The following AK3 variants were observed in gnomAD, a reference collection of about 807,000 sequenced individuals.
The protein encoded by AK3 is GTP:AMP phosphotransferase AK3, mitochondrial.
A neutral mutation model predicts 23.7 loss-of-function variants in AK3; 27 were observed. The observed-to-expected ratio is 1.14, with a 90% CI of 0.84 to 1.57. AK3 has a LOEUF of 1.57. Among genes scored for constraint, AK3 ranks in the 40% most tolerant of loss-of-function variants. AK3 has a pLI of 0.00. For missense variants in AK3, 406 were observed against 285.6 expected, an observed-to-expected ratio of 1.42 and a Z score of -3.04; for synonymous variants, 159 against 116.0, an observed-to-expected ratio of 1.37 and a Z score of -2.38.
At chr9:4,741,209 C>T, upstream of AK3, 2 of 1,137,444 alleles carry the variant, frequency 1.8e-6, no homozygotes, top group South Asian at 4.6e-5. Context: ...TACTGCGGTT[C>T]CCCGGCGTTC....
intron 4 of AK3, among the ~76,000 whole-genome samples, chr9:4,717,466 G>C (rs1319089242): frequency 6.6e-6 from 1 of 152,212 alleles, no homozygotes; most frequent in Non-Finnish European, 1.5e-5. Flanking sequence ...TGCCATCTGA[G>C]ATTCTTCCAC....
At chr9:4,735,878 G>A (rs1842280286) in intron 1 of AK3, among the ~76,000 whole-genome samples, 1 of 152,026 alleles carries the variant, frequency 6.6e-6, no homozygotes, top group Admixed American at 6.6e-5. Context: ...ACTTTGAGAA[G>A]CCGAGGTGGG....
intron 1 of AK3, among the ~76,000 whole-genome samples, chr9:4,734,202 G>A (rs541113866): frequency 6.6e-6 from 1 of 152,166 alleles, no homozygotes; most frequent in African/African-American, 2.4e-5. Flanking sequence ...CAGAGGAAAG[G>A]CCATGTGAGA....
chr9:4,719,437 C>G (rs1841834367), intron 2 of AK3, 130 bp from the exon 3 acceptor site: 1 of 858,828 alleles, frequency 1.2e-6, no homozygotes, highest in Non-Finnish European at 1.7e-6. Flanking sequence ...AGGAATGAGG[C>G]TCACCAGGCA....
intron 1 of AK3, among the ~76,000 whole-genome samples, chr9:4,725,053 A>C (rs2183670): frequency 4.2e-5 from 6 of 141,512 alleles, no homozygotes; most frequent in Admixed American, 7.2e-5. Context: ...ATGGAGTCTC[A>C]CTCTTGTCAC....
At chr9:4,718,345 T>C in intron 4 of AK3, 74 bp downstream of exon 4, 1 of 1,092,750 alleles carries the variant, frequency 9.2e-7, no homozygotes, top group Non-Finnish European at 1.4e-6. Flanking sequence ...GCATTTCAGC[T>C]GTAGAGGAAG....
At chr9:4,717,710 A>G (rs1841774568) in intron 4 of AK3, among the ~76,000 whole-genome samples, 1 of 152,234 alleles carries the variant, frequency 6.6e-6, no homozygotes, top group African/African-American at 2.4e-5. Flanking sequence ...AAATTATGTG[A>G]GATATTCAAC....
intron 1 of AK3, among the ~76,000 whole-genome samples, chr9:4,725,019 CT>C (rs1223067581): frequency 1.9e-5 from 1 of 53,300 alleles, no homozygotes; most frequent in Non-Finnish European, 5.7e-5. Context: ...AGCTACTAAA[CT>C]CTTTTTTTTT....
At chr9:4,734,014 T>C (rs10122575) in intron 1 of AK3, among the ~76,000 whole-genome samples, 80,780 of 152,022 alleles carry the variant, frequency 0.53, 22,270 homozygotes, top group East Asian at 0.74. Context: ...TTGTTATAGA[T>C]GGAAGTATGT....
At chr9:4,713,471 C>G (rs936802344) in intron 4 of AK3, among the ~76,000 whole-genome samples, 4 of 152,102 alleles carry the variant, frequency 2.6e-5, no homozygotes, top group African/African-American at 9.7e-5. Context: ...GTAACTTAGC[C>G]CAAATCACCA....
intron 1 of AK3, among the ~76,000 whole-genome samples, chr9:4,738,718 T>A (rs1433763794): frequency 1.3e-5 from 2 of 151,162 alleles, no homozygotes; most frequent in Non-Finnish European, 2.9e-5. Context: ...TACATTTGCA[T>A]GAAATAGATA....
chr9:4,712,865 T>A lies in AK3; in HGVS notation c.*111A>T. ...ATAAAATCAGTAGAAATAAAAGTAA[T>A]ATAATTTTCAAAGAATTCATACATA... is the stretch of plus-strand genomic sequence containing the variant. On this transcript the variant is annotated 3_prime_UTR_variant, in exon 5 of 5. Transcript: ENST00000381809. The A allele has an allele frequency of 8.2e-7, 1 of 1,214,544 alleles. No individual in the cohort carries two copies. The highest frequency in any genetic ancestry group is 1.8e-5 in the South Asian group (1 of 56,570). The allele number at this position is 1,214,544 out of a possible 1,614,324, so 75.2% of individuals were successfully genotyped here. A position where few individuals can be genotyped will look rare whatever the true frequency, so the allele number is the denominator to read the frequency against.
chr9:4,737,974 T>G (rs1176788320), intron 1 of AK3, among the ~76,000 whole-genome samples: 1 of 152,202 alleles, frequency 6.6e-6, no homozygotes. Flanking sequence ...GGCACAATCC[T>G]TCTGTTGTAT....
Position 4,722,409 on chromosome 9 carries a change from A to G in AK3, c.271+97T>C. The G allele has an allele frequency of 2.6e-6, 4 of 1,560,628 alleles. No homozygotes were observed. In the Admixed American group the frequency reaches 7.2e-5, roughly 28 times the overall value. ...TCCCAAGCACCCCTCTCCCCAAACCACCATCCTTGACGTCTGTCTGAAGCC... is the reference window on the plus strand; with the variant it reads ...TCCCAAGCACCCCTCTCCCCAAACCGCCATCCTTGACGTCTGTCTGAAGCC... On this transcript the variant is annotated intron_variant, in intron 2 of 4. Transcript: ENST00000381809.
Position 4,711,694 on chromosome 9 carries a change from C to T in AK3, c.*1282G>A, listed in dbSNP as rs1484648816. 2 of 152,098 alleles carry T rather than the reference C, an allele frequency of 1.3e-5. No individual in the cohort carries two copies. The highest frequency in any genetic ancestry group is 1.3e-4 in the Admixed American group (2 of 15,272). 9.4% of individuals were successfully genotyped at this position (152,098 alleles called of 1,614,324 possible). A position where few individuals can be genotyped will look rare whatever the true frequency, so the allele number is the denominator to read the frequency against. On this transcript the variant is annotated 3_prime_UTR_variant, in exon 5 of 5. Transcript: ENST00000381809. Reference sequence around the variant, plus strand: ...GGAAGACATAATCAAGTTTTTCCTCCATCTCTCATATTTCCCCACTTCTAC... The same window carrying T: ...GGAAGACATAATCAAGTTTTTCCTCTATCTCTCATATTTCCCCACTTCTAC...
At chr9:4,713,454 T>C (rs1841616574) in intron 4 of AK3, among the ~76,000 whole-genome samples, 1 of 152,204 alleles carries the variant, frequency 6.6e-6, no homozygotes, top group Non-Finnish European at 1.5e-5. Context: ...AATCATCCCT[T>C]TGTAATGTAA....
intron 1 of AK3, among the ~76,000 whole-genome samples, chr9:4,739,711 C>T (rs1842379344): frequency 6.6e-6 from 1 of 151,930 alleles, no homozygotes; most frequent in Non-Finnish European, 1.5e-5. Flanking sequence ...CCGGGTGGAT[C>T]ACGAGGTCAG....
rs1477380889 is a variant in AK3, at chr9:4,711,767, A to G, written c.*1209T>C. On this transcript the variant is annotated 3_prime_UTR_variant, in exon 5 of 5. Coordinates refer to ENST00000381809, the MANE Select transcript of AK3 (RefSeq NM_016282.4). Reference sequence around the variant, plus strand: ...ACCATCCTTTAGATTCCAATTTTTAAATGGCTGCTCAGACGACACCAATAG... The same window carrying G: ...ACCATCCTTTAGATTCCAATTTTTAGATGGCTGCTCAGACGACACCAATAG... 1 of 152,160 alleles carries G rather than the reference A, an allele frequency of 6.6e-6. No homozygotes were observed. Among genetic ancestry groups the G allele is most frequent in the Non-Finnish European group, 1.5e-5 (1 of 68,016 alleles). The allele number at this position is 152,160 out of a possible 1,614,324, so 9.4% of individuals were successfully genotyped here.
intron 1 of AK3, among the ~76,000 whole-genome samples, chr9:4,725,795 G>C (rs1842010768): frequency 6.6e-6 from 1 of 152,132 alleles, no homozygotes; most frequent in Non-Finnish European, 1.5e-5. Context: ...TATACAAATG[G>C]CCAATAAGCC....
Sources: allele counts gnomAD v4.1 joint callset (sites outside exome capture counted in the v4.1 genomes callset), GRCh38; gene constraint gnomAD v4.1.1; transcripts MANE v1.5; gene names NCBI Gene and HGNC (gene_info 2026-07-23, HGNC 2026-07-21).